VWCE: variants seen among roughly 807,000 people sequenced by gnomAD.
The protein encoded by VWCE is von Willebrand factor C and EGF domain-containing protein.
A neutral mutation model predicts 102.9 loss-of-function variants in VWCE; 68 were observed. The observed-to-expected ratio is 0.66, with a 90% CI of 0.54 to 0.81. The LOEUF (loss-of-function observed/expected upper bound fraction) is 0.81. Among genes scored for constraint, VWCE ranks in the 30% least tolerant of loss-of-function variants. VWCE has a pLI of 0.00. For missense variants in VWCE, 1,137 were observed against 1,263.6 expected (o/e 0.90, Z 1.52); for synonymous variants, 497 against 515.4 (o/e 0.96, Z 0.48).
At chr11:61,286,202 G>T in intron 5 of VWCE, 112 bp downstream of exon 5, 1 of 1,046,534 alleles carries the variant, frequency 9.6e-7, no homozygotes, top group Non-Finnish European at 1.5e-6. Flanking sequence ...GGTGGTGAAG[G>T]TTCAATGCAG....
chr11:61,272,088 TAC>T (rs1308228669), intron 13 of VWCE, among the ~76,000 whole-genome samples: 4 of 151,588 alleles, frequency 2.6e-5, no homozygotes, highest in African/African-American at 4.9e-5. Context: ...TACATTTGCA[TAC>T]ACACACAGAT....
At position 61,294,939 on chromosome 11, in the gene VWCE, G is replaced by A; in HGVS notation, c.99C>T (p.Phe33=). 6.9e-7 allele frequency: 1 copy of A among 1,442,914 alleles called. No homozygotes were observed. Among genetic ancestry groups the A allele is most frequent in the South Asian group, 1.3e-5 (1 of 74,266 alleles). The allele number at this position is 1,442,914 out of a possible 1,614,324, so 89.4% of individuals were successfully genotyped here. The part of the protein sequence containing the change: ...GYTGRKPPGH[F]AAERRRLGPH... ...CTCCGGGCGCTTACCTCTCGGCCGC[G>A]AAGTGCCCGGGCGGCTTCCTCCCGG... Residue 33 remains phenylalanine, a synonymous_variant, in exon 1 of 20, where the codon TTC becomes TTT. Coordinates refer to ENST00000335613, the MANE Select transcript of VWCE (RefSeq NM_152718.2). The surrounding 1 kb of genome is among the most constrained non-coding windows in gnomAD (Gnocchi z 6.3).
At chr11:61,282,938 T>C (rs376915387) in intron 5 of VWCE, 33 bp from the exon 6 acceptor site, 14 of 1,553,218 alleles carry the variant, frequency 9.0e-6, no homozygotes, top group Non-Finnish European at 1.2e-5. Flanking sequence ...TGGGGTTCAT[T>C]TCCCCAACAG....
intron 9 of VWCE, among the ~76,000 whole-genome samples, chr11:61,278,909 T>C (rs1855022060): frequency 6.6e-6 from 1 of 151,874 alleles, no homozygotes. Flanking sequence ...CGTGGTGGCG[T>C]GTGCCTGTAA....
At chr11:61,285,469 C>G (rs1855288258) in intron 5 of VWCE, among the ~76,000 whole-genome samples, 1 of 152,164 alleles carries the variant, frequency 6.6e-6, no homozygotes, top group Admixed American at 6.5e-5. Context: ...TATCCCTCAT[C>G]CTAAGCTTGT....
Position 61,294,951 on chromosome 11 carries a change from C to T in VWCE, c.87G>A (p.Pro29=), listed in dbSNP as rs999121024. Residue 29 remains proline, a synonymous_variant, in exon 1 of 20, where the codon CCG becomes CCA. Transcript: ENST00000335613. This position sits in a 1 kb window ranked among gnomAD's most constrained non-coding sequence, Gnocchi z 6.3. ...ACCTCTCGGCCGCGAAGTGCCCGGGCGGCTTCCTCCCGGTGTAGCCTCGGG... is the reference window on the plus strand; with the variant it reads ...ACCTCTCGGCCGCGAAGTGCCCGGGTGGCTTCCTCCCGGTGTAGCCTCGGG... ...APARGYTGRK[P]PGHFAAERRR... 7 of 1,453,816 alleles carry T rather than the reference C, an allele frequency of 4.8e-6. No homozygotes were observed. In the Admixed American group the frequency reaches 1.2e-4, roughly 24 times the overall value. 90.1% of individuals were successfully genotyped at this position (1,453,816 alleles called of 1,614,324 possible).
chr11:61,279,280 G>A (rs11827146), intron 9 of VWCE, among the ~76,000 whole-genome samples: 1 of 151,928 alleles, frequency 6.6e-6, no homozygotes, highest in African/African-American at 2.4e-5. Context: ...CAGTCATTAA[G>A]AAAATCAAGC....
intron 13 of VWCE, 37 bp downstream of exon 13, chr11:61,273,162 C>G (rs1445394269): frequency 6.3e-7 from 1 of 1,598,242 alleles, no homozygotes; most frequent in African/African-American, 1.3e-5. Context: ...TCCCCAGTAT[C>G]CATGCCCTGT....
chr11:61,273,118 A>T, intron 13 of VWCE, 81 bp downstream of exon 13: 1 of 1,353,348 alleles, frequency 7.4e-7, no homozygotes, highest in Non-Finnish European at 1.1e-6. Flanking sequence ...CACACACACC[A>T]GCAGTCTCAG....
At position 61,258,808 on chromosome 11, in the gene VWCE, G is replaced by C; in HGVS notation, c.2735C>G (p.Pro912Arg). The C allele has an allele frequency of 6.6e-7, 1 of 1,505,478 alleles. No individual in the cohort carries two copies. The highest frequency in any genetic ancestry group is 1.4e-5 in the South Asian group (1 of 71,452). The allele number at this position is 1,505,478 out of a possible 1,614,324, so 93.3% of individuals were successfully genotyped here. A position where few individuals can be genotyped will look rare whatever the true frequency, so the allele number is the denominator to read the frequency against. Residue 912 changes from proline to arginine, a missense_variant, in exon 20 of 20, where the codon CCC becomes CGC. Physicochemically the swap from Pro to Arg is moderately radical, Grantham distance 103 (BLOSUM62 -2). This residue lies in a region of VWCE where 316 missense variants were observed against 319.3 expected (regional missense o/e 0.99). Transcript: ENST00000335613. ...SMMDPSPSKT[P>R]ITLLGPRVLS... ...CACGCGAGGCCCGAGGAGGGTGATG[G>C]GGGTCTTCGAGGGGCTGGGGTCCAT...
chr11:61,277,381 G>T (rs1022160962), intron 10 of VWCE, among the ~76,000 whole-genome samples: 1 of 151,482 alleles, frequency 6.6e-6, no homozygotes, highest in Admixed American at 6.6e-5. Flanking sequence ...GGCCAAGGTG[G>T]GAGGATCGCT....
At position 61,283,759 on chromosome 11, in the gene VWCE, C is replaced by A. The variant is rs75999586; in HGVS notation, c.542-854G>T. Among the ~76,000 whole-genome samples the A allele has an allele frequency of 3.3e-3, 501 of 152,294 alleles. 5 individuals are homozygous for A. Among genetic ancestry groups the A allele is most frequent in the African/African-American group, 0.012 (486 of 41,538 alleles). The stretch of plus-strand genomic sequence containing the variant: ...ACGCTCTTTTGGTGCTCCACTTTTG[C>A]CCATGTTCTCTGTCTGCCTCGAATG... On this transcript the variant is annotated intron_variant, in intron 5 of 19. Transcript: ENST00000335613.
intron 7 of VWCE, 122 bp from the exon 8 acceptor site, chr11:61,281,357 A>G (rs1855128106): frequency 8.4e-7 from 1 of 1,184,948 alleles, no homozygotes; most frequent in Admixed American, 2.4e-5. Flanking sequence ...TCTGCGCAAC[A>G]TTCTACTATG....
intron 16 of VWCE, among the ~76,000 whole-genome samples, chr11:61,265,918 C>T (rs1854498883): frequency 6.6e-6 from 1 of 151,938 alleles, no homozygotes; most frequent in Admixed American, 6.6e-5. Context: ...TGGTGGTGCG[C>T]ACCTGTAATC....
chr11:61,291,624 A>G (rs1228861469), intron 1 of VWCE, 48 bp from the exon 2 acceptor site: 4 of 1,356,150 alleles, frequency 2.9e-6, no homozygotes, highest in Non-Finnish European at 3.9e-6. Context: ...TGGGGGAGAC[A>G]TTGGTCAACA....
chr11:61,278,297 C>G (rs911241653), intron 10 of VWCE, 97 bp downstream of exon 10: 4 of 1,343,276 alleles, frequency 3.0e-6, no homozygotes, highest in Non-Finnish European at 4.2e-6. Flanking sequence ...TTCCACTCAA[C>G]AAGCTCACCT....
intron 4 of VWCE, among the ~76,000 whole-genome samples, chr11:61,287,956 T>A (rs184479890): frequency 5.0e-4 from 76 of 151,406 alleles, no homozygotes; most frequent in African/African-American, 1.8e-3. Flanking sequence ...GAGATTGAGA[T>A]TATCCTGGCC....
intron 15 of VWCE, 48 bp downstream of exon 15, chr11:61,268,874 G>C: frequency 6.3e-7 from 1 of 1,594,490 alleles, no homozygotes; most frequent in Admixed American, 1.7e-5. Flanking sequence ...GGAGCCCGAT[G>C]CCTGAGATGC....
chr11:61,258,564 A>C lies in VWCE; in HGVS notation c.*111T>G, dbSNP rs1285548434. ...CTTCCATCCTCACCAGGGCCCCTGC[A>C]GGAGGGAGCCCAGGCATCCCCACCA... On this transcript the variant is annotated 3_prime_UTR_variant, in exon 20 of 20. Transcript: ENST00000335613. 8.0e-6 allele frequency: 9 copies of C among 1,120,542 alleles called. No homozygotes were observed. The highest frequency in any genetic ancestry group is 1.0e-5 in the Non-Finnish European group (9 of 867,798). 69.4% of individuals were successfully genotyped at this position (1,120,542 alleles called of 1,614,324 possible). A position where few individuals can be genotyped will look rare whatever the true frequency, so the allele number is the denominator to read the frequency against.
Sources: allele counts gnomAD v4.1 joint callset (sites outside exome capture counted in the v4.1 genomes callset), GRCh38; gene constraint gnomAD v4.1.1; regional missense constraint gnomAD v4.1.1; non-coding constraint Gnocchi (gnomAD v3.1); transcripts MANE v1.5; gene names NCBI Gene and HGNC (gene_info 2026-07-23, HGNC 2026-07-21).